TULP4: variants seen among roughly 807,000 people sequenced by gnomAD.
The protein encoded by TULP4 is TUB like protein 4.
Under a neutral mutation model 129.0 loss-of-function variants are expected in TULP4, and 16 were observed. That is an observed-to-expected ratio of 0.12 (90% CI 0.08 to 0.19). The LOEUF (loss-of-function observed/expected upper bound fraction) is 0.19. TULP4 is among the 10% of genes least tolerant of loss of function. The probability of loss-of-function intolerance (pLI) is 1.00; values close to 1 mark genes in which losing one functional copy is unlikely to be tolerated. For synonymous variants in TULP4, 998 were observed against 854.0 expected (o/e 1.17, Z -2.94); for missense variants, 1,842 against 2,059.1 (o/e 0.89, Z 2.04).
intron 1 of TULP4, among the ~76,000 whole-genome samples, chr6:158,235,828 T>G (rs376121731): frequency 1.1e-4 from 16 of 152,350 alleles, no homozygotes; most frequent in African/African-American, 3.8e-4. Context: ...GAACTCTGAT[T>G]AGAAGTTATA....
chr6:158,411,126 GAAAA>G (rs79023085), intron 1 of TULP4, among the ~76,000 whole-genome samples: 1 of 52,170 alleles, frequency 1.9e-5, no homozygotes, highest in Non-Finnish European at 4.3e-5. Flanking sequence ...AGGTAAAAGT[GAAAA>G]AAAAAAAAAA....
rs188646056 is a variant in TULP4 at position 158,328,592 on chromosome 6, G to A, written c.252+14324G>A. ...ATATGGCTCAGCAGGGGAGAGGAGT[G>A]CCCTCATGGTTGCTAAATGTGGGAA... On this transcript the variant is annotated intron_variant, in intron 1 of 13. Transcript: ENST00000367097. Among the ~76,000 whole-genome samples, 196 of 152,234 alleles carry A rather than the reference G, an allele frequency of 1.3e-3. 3 individuals are homozygous for A. The highest frequency in any genetic ancestry group is 4.3e-3 in the African/African-American group (177 of 41,548).
At chr6:158,392,061 C>T (rs1777596301) in intron 1 of TULP4, among the ~76,000 whole-genome samples, 1 of 152,168 alleles carries the variant, frequency 6.6e-6, no homozygotes, top group Non-Finnish European at 1.5e-5. Context: ...CTAGACTGGG[C>T]AGTTTACAAA....
rs568300130 is a variant in TULP4 at position 158,510,635 on chromosome 6, C to T, written c.*3941C>T. 11 of 152,094 alleles carry T rather than the reference C, an allele frequency of 7.2e-5. No homozygotes were observed. Among genetic ancestry groups the T allele is most frequent in the Non-Finnish European group, 1.0e-4 (7 of 68,030 alleles). The allele number at this position is 152,094 out of a possible 1,614,324, so 9.4% of individuals were successfully genotyped here. ...CATTTAAAGTAATATCTTTTGTGCACCTCTAAATGTGTTTGGAATTGTGTT... is the reference window on the plus strand; with the variant it reads ...CATTTAAAGTAATATCTTTTGTGCATCTCTAAATGTGTTTGGAATTGTGTT... On this transcript the variant is annotated 3_prime_UTR_variant, in exon 14 of 14. Transcript: ENST00000367097.
At chr6:158,275,551 A>G (rs1261930051) in intron 1 of TULP4, among the ~76,000 whole-genome samples, 1 of 152,186 alleles carries the variant, frequency 6.6e-6, no homozygotes, top group Admixed American at 6.5e-5. Context: ...TTAGCTCTCA[A>G]TGCCCATTCT....
At chr6:158,239,581 C>T (rs1583664676) in intron 1 of TULP4, among the ~76,000 whole-genome samples, 1 of 45,626 alleles carries the variant, frequency 2.2e-5, no homozygotes, top group African/African-American at 7.4e-5. Context: ...GCTGGCCGGG[C>T]AGGGGGGCTG....
At chr6:158,479,046 C>T (rs956259327) in intron 6 of TULP4, among the ~76,000 whole-genome samples, 1 of 152,130 alleles carries the variant, frequency 6.6e-6, no homozygotes, top group African/African-American at 2.4e-5. Context: ...CTGTAATCCT[C>T]ACAGGGTCCC....
At chr6:158,421,958 A>G (rs1431887961) in intron 2 of TULP4, among the ~76,000 whole-genome samples, 1 of 152,192 alleles carries the variant, frequency 6.6e-6, no homozygotes, top group Non-Finnish European at 1.5e-5. Flanking sequence ...TGTATACCGG[A>G]ATTTGTGAGA....
intron 2 of TULP4, among the ~76,000 whole-genome samples, chr6:158,420,542 C>T (rs776972081): frequency 3.3e-5 from 5 of 152,252 alleles, no homozygotes; most frequent in South Asian, 4.1e-4. Context: ...AGTGCAATGG[C>T]GCCATCTCGG....
At chr6:158,475,597 G>T (rs992770939) in intron 6 of TULP4, among the ~76,000 whole-genome samples, 1 of 152,134 alleles carries the variant, frequency 6.6e-6, no homozygotes, top group African/African-American at 2.4e-5. Flanking sequence ...GTTCTGCTGC[G>T]GCTCAGCCTA....
chr6:158,327,713 G>GT (rs1248112789), intron 1 of TULP4, among the ~76,000 whole-genome samples: 2 of 151,762 alleles, frequency 1.3e-5, no homozygotes, highest in Non-Finnish European at 2.9e-5. Flanking sequence ...TTTTTTTGAG[G>GT]TTTTTTAAAG....
At chr6:158,496,454 A>G (rs1434082377) in intron 11 of TULP4, among the ~76,000 whole-genome samples, 1 of 152,242 alleles carries the variant, frequency 6.6e-6, no homozygotes, top group Non-Finnish European at 1.5e-5. Flanking sequence ...TCTGAGCTCA[A>G]AGAAAAAGAG....
At chr6:158,391,685 G>A (rs1471578749) in intron 1 of TULP4, among the ~76,000 whole-genome samples, 2 of 152,168 alleles carry the variant, frequency 1.3e-5, no homozygotes, top group African/African-American at 4.8e-5. Flanking sequence ...GGCTACTTTG[G>A]TACATGCCAC....
At chr6:158,398,468 C>G (rs1272810139) in intron 1 of TULP4, 4 of 152,240 alleles carry the variant, frequency 2.6e-5, no homozygotes, top group African/African-American at 9.6e-5. Flanking sequence ...GTTCACTACC[C>G]TTAAGGAGTG....
Position 158,313,999 on chromosome 6 carries a change from C to T in TULP4, c.-18C>T. ...CATTAACATTACTTTTTAAGTAAAA[C>T]AGTTCATTGAAGAAAGTATGTATGC... is the stretch of plus-strand genomic sequence containing the variant. On this transcript the variant is annotated 5_prime_UTR_variant, in exon 1 of 14. Transcript: ENST00000367097. The T allele has an allele frequency of 6.2e-7, 1 of 1,607,084 alleles. No individual in the cohort carries two copies. The highest frequency in any genetic ancestry group is 1.1e-5 in the South Asian group (1 of 90,624).
At chr6:158,409,270 G>A (rs1778033618) in intron 1 of TULP4, among the ~76,000 whole-genome samples, 1 of 152,088 alleles carries the variant, frequency 6.6e-6, no homozygotes, top group Non-Finnish European at 1.5e-5. Context: ...ACTGATAATA[G>A]TAACACTCTA....
At chr6:158,245,490 A>T (rs1415913011) in intron 1 of TULP4, among the ~76,000 whole-genome samples, 1 of 152,146 alleles carries the variant, frequency 6.6e-6, no homozygotes, top group Admixed American at 6.5e-5. Flanking sequence ...GTCCTCTCAG[A>T]TAGCCTATGT....
chr6:158,403,651 G>A (rs965777321), intron 1 of TULP4, among the ~76,000 whole-genome samples: 2 of 152,182 alleles, frequency 1.3e-5, no homozygotes, highest in Non-Finnish European at 2.9e-5. Context: ...GACATTTCGC[G>A]TGTTAGGCAA....
intron 1 of TULP4, among the ~76,000 whole-genome samples, chr6:158,293,767 C>A (rs1172054283): frequency 6.6e-6 from 1 of 152,166 alleles, no homozygotes; most frequent in South Asian, 2.1e-4. Context: ...CTCACTAGCA[C>A]GTTTTGAGAA....
Sources: allele counts gnomAD v4.1 joint callset (sites outside exome capture counted in the v4.1 genomes callset), GRCh38; gene constraint gnomAD v4.1.1; transcripts MANE v1.5; gene names NCBI Gene and HGNC (gene_info 2026-07-23, HGNC 2026-07-21).